Variants in PTPRD observed in about 807,000 individuals in gnomAD.
The protein encoded by PTPRD is receptor-type tyrosine-protein phosphatase delta.
PTPRD carries 34 observed loss-of-function variants against 214.5 expected under a neutral mutation model. That is an observed-to-expected ratio of 0.16 (90% confidence interval 0.12 to 0.21). The LOEUF is 0.21. Ranked by LOEUF, PTPRD falls within the 10% of genes least tolerant of loss-of-function variation. PTPRD has a pLI of 1.00. For missense variants in PTPRD, 2,545 were observed against 2,398.7 expected, an observed-to-expected ratio of 1.06 and a Z score of -1.27; for synonymous variants, 1,128 against 845.7, an observed-to-expected ratio of 1.33 and a Z score of -5.79.
intron 11 of PTPRD, among the ~76,000 whole-genome samples, chr9:8,735,866 C>G (rs1384876649): frequency 6.7e-6 from 1 of 149,876 alleles, no homozygotes; most frequent in Non-Finnish European, 1.5e-5. Context: ...GAGCCAAGGT[C>G]CTGCCACTGC....
intron 5 of PTPRD, among the ~76,000 whole-genome samples, chr9:9,858,021 T>A (rs2061898200): frequency 6.6e-6 from 1 of 152,224 alleles, no homozygotes; most frequent in Admixed American, 6.5e-5. Context: ...ATTATCTATG[T>A]CAAAAGATTC....
intron 3 of PTPRD, among the ~76,000 whole-genome samples, chr9:10,044,687 G>C (rs947233800): frequency 6.6e-6 from 1 of 151,684 alleles, no homozygotes; most frequent in Non-Finnish European, 1.5e-5. Flanking sequence ...CAGGGAGGCT[G>C]GGAAGTTTTC....
chr9:9,020,388 G>A (rs1201926747), intron 10 of PTPRD, among the ~76,000 whole-genome samples: 3 of 152,226 alleles, frequency 2.0e-5, no homozygotes, highest in East Asian at 1.9e-4. Context: ...GATTGGAAGC[G>A]GAGGTGAAAT....
chr9:8,803,999 C>T (rs907898388), intron 11 of PTPRD, among the ~76,000 whole-genome samples: 15 of 152,008 alleles, frequency 9.9e-5, no homozygotes, highest in African/African-American at 3.6e-4. Flanking sequence ...GTTGCCCAGG[C>T]TGGAGTGTAG....
rs866413606 is a variant in PTPRD at position 8,345,693 on chromosome 9, T to C, written c.4662-3715A>G. On this transcript the variant is annotated intron_variant, in intron 39 of 45. Transcript: ENST00000381196. ...ATCATGATCCTGTATCACGGTTCCA[T>C]TGATTCTGTAACAGGGTAGAATTCC... Among the ~76,000 whole-genome samples the C allele has an allele frequency of 2.5e-4, 38 of 152,252 alleles. No individual in the cohort carries two copies. The Middle Eastern group carries it at 0.014, about 55-fold the overall frequency.
intron 9 of PTPRD, among the ~76,000 whole-genome samples, chr9:9,361,122 T>A (rs2055977139): frequency 6.6e-6 from 1 of 151,150 alleles, no homozygotes; most frequent in African/African-American, 2.4e-5. Context: ...TTAGTTTTTG[T>A]CATTAGAAGT....
chr9:8,498,229 C>G (rs1434025747), intron 25 of PTPRD, among the ~76,000 whole-genome samples: 1 of 152,110 alleles, frequency 6.6e-6, no homozygotes, highest in Non-Finnish European at 1.5e-5. Flanking sequence ...GGGGTAAGTA[C>G]TTTCCTTAGA....
intron 5 of PTPRD, among the ~76,000 whole-genome samples, chr9:9,899,607 A>C (rs1217062362): frequency 6.6e-6 from 1 of 152,054 alleles, no homozygotes; most frequent in Non-Finnish European, 1.5e-5. Flanking sequence ...GGTGTAATTT[A>C]AGTTAGTACA....
At position 9,947,599 on chromosome 9, in the gene PTPRD, AT is replaced by A. The variant is rs1566625573; in HGVS notation, c.-471-8990del. 2.3e-3 allele frequency among the ~76,000 whole-genome samples: 140 copies of A among 60,978 alleles called. 9 individuals carry two copies. In the South Asian group the frequency reaches 0.058, roughly 25 times the overall value. 40.0% of individuals were successfully genotyped at this position (60,978 alleles called of 152,430 possible). Reference sequence around the variant, plus strand: ...ATTATATATATATTATATATATAATATATATATTTTATATATATATATTTTA... The same window carrying A: ...ATTATATATATATTATATATATAATAATATATTTTATATATATATATTTTA... On this transcript the variant is annotated intron_variant, in intron 4 of 45. Coordinates refer to ENST00000381196, the MANE Select transcript of PTPRD (RefSeq NM_002839.4).
At chr9:9,486,667 G>A (rs948640143) in intron 8 of PTPRD, among the ~76,000 whole-genome samples, 2 of 152,040 alleles carry the variant, frequency 1.3e-5, no homozygotes, top group Non-Finnish European at 2.9e-5. Context: ...GTTGGCACTG[G>A]AATCCACCTT....
chr9:8,550,724 C>T (rs1181098190), intron 14 of PTPRD, among the ~76,000 whole-genome samples: 3 of 152,160 alleles, frequency 2.0e-5, no homozygotes, highest in Non-Finnish European at 1.5e-5. Context: ...AAGCTCAGCC[C>T]TAAGATTTCT....
chr9:8,516,330 T>C (rs1310454222), intron 21 of PTPRD, among the ~76,000 whole-genome samples: 2 of 152,318 alleles, frequency 1.3e-5, no homozygotes, highest in South Asian at 2.1e-4. Flanking sequence ...TAGTTTTTAA[T>C]ACAACTGTGG....
At chr9:9,233,904 G>C (rs762519763) in intron 9 of PTPRD, among the ~76,000 whole-genome samples, 4 of 152,178 alleles carry the variant, frequency 2.6e-5, no homozygotes, top group Admixed American at 6.5e-5. Flanking sequence ...GGCTGGCATT[G>C]AATGTCTACA....
chr9:9,064,864 G>A (rs1386306255), intron 10 of PTPRD, among the ~76,000 whole-genome samples: 2 of 152,190 alleles, frequency 1.3e-5, no homozygotes, highest in Non-Finnish European at 2.9e-5. Flanking sequence ...ATAGCTTATG[G>A]GTCTAGACAG....
At chr9:10,268,170 G>C (rs2094194877) in intron 3 of PTPRD, among the ~76,000 whole-genome samples, 1 of 142,914 alleles carries the variant, frequency 7.0e-6, no homozygotes, top group Non-Finnish European at 1.5e-5. Context: ...TGCTTGTTTA[G>C]TCTTAGCTAC....
chr9:9,470,324 G>C (rs2146447223), intron 8 of PTPRD, among the ~76,000 whole-genome samples: 1 of 152,172 alleles, frequency 6.6e-6, no homozygotes, highest in Non-Finnish European at 1.5e-5. Context: ...TGAAGTACTG[G>C]AAACAGCAAG....
At chr9:9,117,515 C>A (rs1200970226) in intron 10 of PTPRD, among the ~76,000 whole-genome samples, 2 of 152,150 alleles carry the variant, frequency 1.3e-5, no homozygotes. Flanking sequence ...TCACTAAATA[C>A]TTTGGACACT....
At chr9:9,460,476 G>T (rs901868621) in intron 8 of PTPRD, among the ~76,000 whole-genome samples, 26 of 151,570 alleles carry the variant, frequency 1.7e-4, no homozygotes, top group Non-Finnish European at 7.4e-5. Flanking sequence ...TAATCTAAAC[G>T]AATCAACATT....
chr9:9,766,149 T>A (rs2098705312), intron 6 of PTPRD, among the ~76,000 whole-genome samples: 1 of 152,214 alleles, frequency 6.6e-6, no homozygotes, highest in Non-Finnish European at 1.5e-5. Flanking sequence ...GTAACGTTTA[T>A]TCATCTTATA....
Sources: allele counts gnomAD v4.1 joint callset (sites outside exome capture counted in the v4.1 genomes callset), GRCh38; gene constraint gnomAD v4.1.1; transcripts MANE v1.5; gene names NCBI Gene and HGNC (gene_info 2026-07-23, HGNC 2026-07-21).